IAPP: variants seen among roughly 807,000 people sequenced by gnomAD.
The protein encoded by IAPP is Islet amyloid polypeptide (diabetes-associated peptide; amylin).
In IAPP, 4 loss-of-function variants were observed where a neutral mutation model predicts 2.9. The observed-to-expected ratio is 1.39, with a 90% confidence interval of 0.69 to 3.19. The LOEUF (loss-of-function observed/expected upper bound fraction) is 3.19. IAPP is among the 30% of genes most tolerant of loss of function. IAPP has a pLI of 0.01. For synonymous variants in IAPP, 40 were observed against 42.1 expected (o/e 0.95, Z 0.19); for missense variants, 114 against 105.3 (o/e 1.08, Z -0.36).
rs543728957 is a variant in IAPP at position 21,373,233 on chromosome 12, G to A, written c.-15-104G>A. 7.4e-5 allele frequency: 56 copies of A among 757,350 alleles called. No homozygotes were observed. The East Asian group carries it at 7.4e-4, about 10-fold the overall frequency. The allele number at this position is 757,350 out of a possible 1,614,324, so 46.9% of individuals were successfully genotyped here. On this transcript the variant is annotated intron_variant, in intron 1 of 2. Coordinates refer to ENST00000240652, the MANE Select transcript of IAPP (RefSeq NM_000415.3). Reference sequence around the variant, plus strand: ...AAAAATTTTGATCCTTGTAAATTACGTTTTAAAAAGATGTTTCTTTTAAAA... The same window carrying A: ...AAAAATTTTGATCCTTGTAAATTACATTTTAAAAAGATGTTTCTTTTAAAA...
upstream of IAPP, among the ~76,000 whole-genome samples, chr12:21,372,713 A>G (rs149643517): frequency 2.2e-3 from 330 of 152,366 alleles, 2 homozygotes; most frequent in African/African-American, 7.4e-3. Flanking sequence ...GCACAAGGAC[A>G]CTGTGTATTT....
upstream of IAPP, among the ~76,000 whole-genome samples, chr12:21,369,270 A>C (rs1939614230): frequency 6.6e-6 from 1 of 152,126 alleles, no homozygotes; most frequent in Non-Finnish European, 1.5e-5. Context: ...TGTCATTGTC[A>C]AAGCATGTTA....
At chr12:21,370,660 T>C (rs368863336), upstream of IAPP, among the ~76,000 whole-genome samples, 2 of 152,038 alleles carry the variant, frequency 1.3e-5, no homozygotes, top group South Asian at 2.1e-4. Flanking sequence ...CTTAACATCT[T>C]AGAGAAACAA....
chr12:21,359,824 A>G (rs35197974), intron 1 of IAPP, among the ~76,000 whole-genome samples: 7,853 of 152,266 alleles, frequency 0.052, 285 homozygotes, highest in Non-Finnish European at 0.079. Flanking sequence ...GCATGTGTCA[A>G]CACAAAGACT....
At chr12:21,376,727 T>C (rs968534111) in intron 2 of IAPP, among the ~76,000 whole-genome samples, 55 of 152,066 alleles carry the variant, frequency 3.6e-4, no homozygotes, top group South Asian at 1.9e-3. Flanking sequence ...TACTTAGAGA[T>C]AGAGATAATG....
chr12:21,356,601 A>G lies in IAPP; in HGVS notation c.-16+1588A>G, dbSNP rs369685249. On this transcript the variant is annotated intron_variant, in intron 1 of 2. Coordinates refer to the IAPP transcript ENST00000539393. ...GAAAAAGCATTAAATGTGACATAGAAAAGTAGTTTAAATATACTAAAGGGA... is the reference window on the plus strand; with the variant it reads ...GAAAAAGCATTAAATGTGACATAGAGAAGTAGTTTAAATATACTAAAGGGA... Among the ~76,000 whole-genome samples the G allele has an allele frequency of 3.3e-5, 5 of 152,272 alleles. No individual in the cohort carries two copies. In the East Asian group the frequency reaches 9.6e-4, roughly 29 times the overall value.
chr12:21,366,496 T>C (rs1939397556), intron 1 of IAPP, among the ~76,000 whole-genome samples: 1 of 152,130 alleles, frequency 6.6e-6, no homozygotes, highest in African/African-American at 2.4e-5. Context: ...TATTCCTATG[T>C]AACAAACCTG....
chr12:21,369,701 G>C (rs930185563), upstream of IAPP, among the ~76,000 whole-genome samples: 29 of 152,290 alleles, frequency 1.9e-4, no homozygotes, highest in Non-Finnish European at 4.3e-4. Flanking sequence ...TGATAGAGTG[G>C]ATCCAAGGTG....
intron 1 of IAPP, 104 bp from the exon 2 acceptor site, chr12:21,373,233 G>T (rs543728957): frequency 2.6e-6 from 2 of 757,352 alleles, no homozygotes; most frequent in East Asian, 5.3e-5. Flanking sequence ...TGTAAATTAC[G>T]TTTTAAAAAG....
chr12:21,373,409 C>G lies in IAPP; in HGVS notation c.58C>G (p.Leu20Val), dbSNP rs1939944998. The stretch of plus-strand genomic sequence containing the variant: ...TGTGCTCTCTGTTGCATTGAACCAT[C>G]TGAAAGCTACACCCATTGAAAGGTT... ...LIVLSVALNH[L>V]KATPIESHQV... The change falls in exon 2 of 3, where the codon CTG (leucine) becomes GTG (valine). Residue 20 changes from leucine (L) to valine (V), a missense_variant. Coordinates refer to ENST00000240652, the MANE Select transcript of IAPP (RefSeq NM_000415.3). 1 of 1,612,830 alleles carries G rather than the reference C, an allele frequency of 6.2e-7. No homozygotes were observed. Among genetic ancestry groups the G allele is most frequent in the Non-Finnish European group, 8.5e-7 (1 of 1,178,946 alleles).
Position 21,376,236 on chromosome 12 carries a change from G to T in IAPP, c.81-2001G>T, listed in dbSNP as rs560467936. 3 of 193,772 alleles carry T rather than the reference G, an allele frequency of 1.5e-5. No homozygotes were observed. In the East Asian group the frequency reaches 4.5e-4, roughly 29 times the overall value. 12.0% of individuals were successfully genotyped at this position (193,772 alleles called of 1,614,324 possible). On this transcript the variant is annotated intron_variant, in intron 2 of 2. Transcript: ENST00000240652. ...ATAAAGTATTTCACACTGTGCTTCA[G>T]TCATATGCTAAACATATCTTGGAAC...
intron 1 of IAPP, among the ~76,000 whole-genome samples, chr12:21,358,748 T>G (rs1938575566): frequency 7.4e-6 from 1 of 134,812 alleles, no homozygotes; most frequent in African/African-American, 2.9e-5. Flanking sequence ...AGCGGTTTGT[T>G]GGAGATACTT....
chr12:21,373,628 G>A (rs1202216649), intron 2 of IAPP, 197 bp downstream of exon 2: 8 of 699,922 alleles, frequency 1.1e-5, no homozygotes, highest in Admixed American at 8.1e-5. Context: ...TATCTTTGAT[G>A]GAACTTCTGA....
upstream of IAPP, among the ~76,000 whole-genome samples, chr12:21,372,070 A>G (rs968340812): frequency 1.5e-4 from 23 of 152,268 alleles, no homozygotes; most frequent in Non-Finnish European, 1.8e-4. Flanking sequence ...TTTGGAGAAA[A>G]TTTTAAAAAG....
chr12:21,356,745 T>C (rs957534141), intron 1 of IAPP, among the ~76,000 whole-genome samples: 1 of 152,060 alleles, frequency 6.6e-6, no homozygotes, highest in African/African-American at 2.4e-5. Flanking sequence ...ATTTAAATAA[T>C]AGTAGCTTAA....
At chr12:21,361,678 G>T (rs1156834901) in intron 1 of IAPP, among the ~76,000 whole-genome samples, 1 of 152,050 alleles carries the variant, frequency 6.6e-6, no homozygotes, top group African/African-American at 2.4e-5. Context: ...GTAGAGAAAA[G>T]ACAGTGTAGA....
At chr12:21,371,380 A>G (rs145042267), upstream of IAPP, among the ~76,000 whole-genome samples, 1 of 149,772 alleles carries the variant, frequency 6.7e-6, no homozygotes, top group Admixed American at 6.6e-5. Flanking sequence ...ACGGAAATGC[A>G]TTATCCTTCC....
chr12:21,356,529 A>T (rs913039794), intron 1 of IAPP, among the ~76,000 whole-genome samples: 1 of 130,868 alleles, frequency 7.6e-6, no homozygotes, highest in Non-Finnish European at 1.7e-5. Context: ...GTAAGAAAAA[A>T]ATGAGTCATG....
chr12:21,356,672 A>G (rs1001950488), intron 1 of IAPP, among the ~76,000 whole-genome samples: 3 of 152,180 alleles, frequency 2.0e-5, no homozygotes, highest in African/African-American at 7.2e-5. Flanking sequence ...CTATGCACCC[A>G]ATGAGTAAAA....
Sources: gnomAD v4.1 joint callset for allele counts (sites outside exome capture counted in the v4.1 genomes callset) on GRCh38, gnomAD v4.1.1 for gene constraint, MANE v1.5 for transcripts, NCBI Gene and HGNC (gene_info 2026-07-23, HGNC 2026-07-21) for gene names.